PTPRD: variants seen among roughly 807,000 people sequenced by gnomAD.
PTPRD encodes protein tyrosine phosphatase receptor type D.
PTPRD carries 34 observed loss-of-function variants against 214.5 expected under a neutral mutation model. The ratio of observed to expected loss-of-function variants is 0.16; its 90% CI spans 0.12 to 0.21. PTPRD has a LOEUF of 0.21. Ranked by LOEUF, PTPRD falls within the 10% of genes least tolerant of loss-of-function variation. The pLI is 1.00. For missense variants in PTPRD, 2,545 were observed against 2,398.7 expected (o/e 1.06, Z -1.27); for synonymous variants, 1,128 against 845.7 (o/e 1.33, Z -5.79).
At chr9:9,026,821 C>G (rs2099588937) in intron 10 of PTPRD, among the ~76,000 whole-genome samples, 1 of 151,816 alleles carries the variant, frequency 6.6e-6, no homozygotes, top group Non-Finnish European at 1.5e-5. Context: ...TCATTCTCTA[C>G]CGACCCCATT....
At chr9:8,511,585 T>C (rs1042402526) in intron 21 of PTPRD, among the ~76,000 whole-genome samples, 1 of 152,138 alleles carries the variant, frequency 6.6e-6, no homozygotes, top group Non-Finnish European at 1.5e-5. Flanking sequence ...GGGAAAATCA[T>C]GGGCAAATAA....
At chr9:9,235,883 A>G (rs1157871261) in intron 9 of PTPRD, among the ~76,000 whole-genome samples, 1 of 152,102 alleles carries the variant, frequency 6.6e-6, no homozygotes, top group Non-Finnish European at 1.5e-5. Context: ...TTTGGCCATG[A>G]TATTCTAAAC....
intron 8 of PTPRD, among the ~76,000 whole-genome samples, chr9:9,422,246 G>C (rs1457804465): frequency 6.6e-6 from 1 of 152,112 alleles, no homozygotes; most frequent in Non-Finnish European, 1.5e-5. Flanking sequence ...AGGTTAAGTA[G>C]CTTGCTCCAG....
rs753080783 is a variant in PTPRD, at chr9:8,376,665, G to T, written c.4448C>A (p.Thr1483Lys). 6.2e-7 allele frequency: 1 copy of T among 1,613,064 alleles called. No homozygotes were observed. Among genetic ancestry groups the T allele is most frequent in the Non-Finnish European group, 8.5e-7 (1 of 1,179,358 alleles). ...GTETHGLVQV[T>K]LLDTVELATY... ...GGCCAGCTCCACAGTATCAAGCAGC[G>T]TTACTTGAACGAGTCCGTGGGTTTC... Residue 1483 changes from threonine (T) to lysine (K), a missense_variant, in exon 38 of 46, where the codon ACG becomes AAG. Physicochemically the swap from Thr to Lys is moderately conservative, Grantham distance 78 (BLOSUM62 -1). Coordinates refer to ENST00000381196, the MANE Select transcript of PTPRD (RefSeq NM_002839.4).
intron 2 of PTPRD, among the ~76,000 whole-genome samples, chr9:10,421,705 A>G (rs191654768): frequency 2.2e-4 from 34 of 152,010 alleles, no homozygotes; most frequent in African/African-American, 7.5e-4. Flanking sequence ...CTACCTATCA[A>G]TATCAGTAAC....
chr9:9,423,643 G>C (rs2079684905), intron 8 of PTPRD, among the ~76,000 whole-genome samples: 1 of 152,096 alleles, frequency 6.6e-6, no homozygotes, highest in Admixed American at 6.6e-5. Context: ...AAATAGTCAG[G>C]ATGGCAACAG....
At chr9:9,011,833 C>G (rs1466073631) in intron 11 of PTPRD, among the ~76,000 whole-genome samples, 1 of 152,144 alleles carries the variant, frequency 6.6e-6, no homozygotes, top group African/African-American at 2.4e-5. Context: ...TCTGTTGTGG[C>G]AAAGAGACTC....
At chr9:8,649,803 T>C (rs950168669) in intron 12 of PTPRD, among the ~76,000 whole-genome samples, 3 of 152,246 alleles carry the variant, frequency 2.0e-5, no homozygotes, top group African/African-American at 7.2e-5. Flanking sequence ...CTTCTAAATA[T>C]TATGACTTTT....
chr9:9,111,797 A>T (rs1454448439), intron 10 of PTPRD, among the ~76,000 whole-genome samples: 1 of 152,190 alleles, frequency 6.6e-6, no homozygotes, highest in Non-Finnish European at 1.5e-5. Context: ...AAAAAAACTC[A>T]AGAAAATATA....
At chr9:8,652,075 T>C (rs75875882) in intron 12 of PTPRD, among the ~76,000 whole-genome samples, 2 of 152,342 alleles carry the variant, frequency 1.3e-5, no homozygotes, top group East Asian at 1.9e-4. Context: ...AGGACCTTTA[T>C]TTGCCAGCTA....
chr9:10,102,107 T>C (rs1368713837), intron 3 of PTPRD, among the ~76,000 whole-genome samples: 1 of 151,756 alleles, frequency 6.6e-6, no homozygotes, highest in Non-Finnish European at 1.5e-5. Flanking sequence ...ATGCATATAA[T>C]AACATATTTG....
intron 5 of PTPRD, among the ~76,000 whole-genome samples, chr9:9,931,093 T>A (rs1432931872): frequency 1.3e-5 from 2 of 152,206 alleles, no homozygotes; most frequent in Non-Finnish European, 2.9e-5. Flanking sequence ...ATTATTCTTC[T>A]ATCCTATTTT....
chr9:9,918,364 A>C (rs907854841), intron 5 of PTPRD, among the ~76,000 whole-genome samples: 6 of 150,680 alleles, frequency 4.0e-5, no homozygotes, highest in South Asian at 2.1e-4. Context: ...AAAAAAAAAA[A>C]AAAAAACTCC....
intron 8 of PTPRD, among the ~76,000 whole-genome samples, chr9:9,556,973 C>T (rs913869798): frequency 5.9e-5 from 9 of 152,156 alleles, no homozygotes; most frequent in African/African-American, 2.2e-4. Context: ...CTGTTTGTTA[C>T]TCTATCACTT....
chr9:10,508,936 A>G (rs1266320582), intron 2 of PTPRD, among the ~76,000 whole-genome samples: 1 of 152,162 alleles, frequency 6.6e-6, no homozygotes, highest in Non-Finnish European at 1.5e-5. Flanking sequence ...TAGAACTTAG[A>G]GTATAATAAA....
chr9:10,271,923 G>A (rs956745360), intron 3 of PTPRD, among the ~76,000 whole-genome samples: 1 of 151,890 alleles, frequency 6.6e-6, no homozygotes, highest in Non-Finnish European at 1.5e-5. Context: ...TTCTCTTCCA[G>A]TCTATTTTCT....
At chr9:10,188,883 C>T (rs1347141231) in intron 3 of PTPRD, among the ~76,000 whole-genome samples, 1 of 152,170 alleles carries the variant, frequency 6.6e-6, no homozygotes, top group African/African-American at 2.4e-5. Flanking sequence ...GAGCTTAACA[C>T]AATAATTGTA....
intron 2 of PTPRD, among the ~76,000 whole-genome samples, chr9:10,526,055 G>A (rs2054192353): frequency 6.6e-6 from 1 of 152,026 alleles, no homozygotes; most frequent in Non-Finnish European, 1.5e-5. Context: ...CTGACCTAGT[G>A]GGTGTTGTAT....
chr9:8,943,892 G>C (rs1435169271), intron 11 of PTPRD, among the ~76,000 whole-genome samples: 1 of 151,590 alleles, frequency 6.6e-6, no homozygotes, highest in Non-Finnish European at 1.5e-5. Flanking sequence ...AAACAAAAAA[G>C]GGCAACTAGG....
Sources: allele counts gnomAD v4.1 joint callset (sites outside exome capture counted in the v4.1 genomes callset), GRCh38; gene constraint gnomAD v4.1.1; transcripts MANE v1.5; gene names NCBI Gene and HGNC (gene_info 2026-07-23, HGNC 2026-07-21).